MAMLD1: variants seen among roughly 807,000 people sequenced by gnomAD.
The protein encoded by MAMLD1 is mastermind like domain containing 1, also known as mastermind-like domain-containing protein 1.
In MAMLD1, 14 loss-of-function variants were observed where a neutral mutation model predicts 45.0. The ratio of observed to expected loss-of-function variants is 0.31; its 90% CI spans 0.21 to 0.49. MAMLD1 has a LOEUF of 0.49. MAMLD1 is among the 20% of genes least tolerant of loss of function. The pLI is 0.99. For synonymous variants in MAMLD1, 254 were observed against 247.8 expected (o/e 1.02, Z -0.24); for missense variants, 543 against 603.6 (o/e 0.90, Z 1.05).
At chrX:150,490,230 A>G (rs929372092) in intron 5 of MAMLD1, among the ~76,000 whole-genome samples, 37 of 112,267 alleles carry the variant, frequency 3.3e-4, no homozygotes, top group African/African-American at 1.2e-3. Flanking sequence ...GGCAGGCAGT[A>G]GACAGCTACA....
At chrX:150,477,389 TC>T (rs2036611095) in intron 5 of MAMLD1, among the ~76,000 whole-genome samples, 1 of 112,254 alleles carries the variant, frequency 8.9e-6, no homozygotes, top group Non-Finnish European at 1.9e-5. Flanking sequence ...TTAGTCAGCC[TC>T]GGCTCAGCAT....
Position 150,483,170 on chromosome X carries a change from C to T in MAMLD1, c.2040+9368C>T, listed in dbSNP as rs143005995. Among the ~76,000 whole-genome samples the T allele has an allele frequency of 8.8e-3, 990 of 112,354 alleles. 9 individuals carry two copies. The highest frequency in any genetic ancestry group is 0.028 in the African/African-American group (877 of 30,887). On this transcript the variant is annotated intron_variant, in intron 5 of 7. Coordinates refer to ENST00000370401, the MANE Select transcript of MAMLD1 (RefSeq NM_005491.5). ...CTTGACACTGGTACACAAAGTAGGA[C>T]ACCTCTGACCAATGCCAAAATGACT... is the stretch of plus-strand genomic sequence containing the variant.
intron 1 of MAMLD1, among the ~76,000 whole-genome samples, chrX:150,427,943 A>G (rs1431305595): frequency 6.3e-5 from 7 of 111,183 alleles, no homozygotes; most frequent in African/African-American, 2.3e-4. Flanking sequence ...GCAGCAAGGT[A>G]GATCTAGCTC....
At chrX:150,440,871 A>ATAATATT (rs1343351401) in intron 1 of MAMLD1, among the ~76,000 whole-genome samples, 8 of 104,531 alleles carry the variant, frequency 7.7e-5, no homozygotes, top group African/African-American at 2.7e-4. Context: ...TTAATAATTA[A>ATAATATT]TAATATTTAA....
intron 1 of MAMLD1, among the ~76,000 whole-genome samples, chrX:150,386,827 T>C (rs1424490178): frequency 9.0e-6 from 1 of 110,909 alleles, no homozygotes; most frequent in Non-Finnish European, 1.9e-5. Flanking sequence ...TTTTCCAGTA[T>C]AAGGCACTTT....
intron 6 of MAMLD1, chrX:150,503,899 G>T (rs782188612): frequency 6.8e-4 from 119 of 175,527 alleles, no homozygotes; most frequent in African/African-American, 3.5e-3. Context: ...ACCTGAGGGG[G>T]ACAGGGGCTG....
chrX:150,449,169 A>G (rs993775803), intron 2 of MAMLD1, among the ~76,000 whole-genome samples: 1 of 111,242 alleles, frequency 9.0e-6, no homozygotes, highest in Non-Finnish European at 1.9e-5. Context: ...CTTTATGGAT[A>G]AAGAGAATAA....
chrX:150,441,970 C>T (rs1186335655), intron 1 of MAMLD1, among the ~76,000 whole-genome samples: 3 of 110,823 alleles, frequency 2.7e-5, no homozygotes, highest in Non-Finnish European at 3.8e-5. Flanking sequence ...CTGTTTAAAG[C>T]ATACACATTT....
chrX:150,378,826 G>T (rs1336755842), intron 1 of MAMLD1, among the ~76,000 whole-genome samples: 2 of 111,350 alleles, frequency 1.8e-5, no homozygotes, highest in African/African-American at 3.3e-5. Context: ...TTTCTGACAT[G>T]CCCCTAATCA....
intron 1 of MAMLD1, among the ~76,000 whole-genome samples, chrX:150,401,257 G>A (rs1557402424): frequency 9.2e-6 from 1 of 108,185 alleles, no homozygotes; most frequent in East Asian, 2.9e-4. Flanking sequence ...AAAATCACAA[G>A]CATTCTTATA....
At chrX:150,377,186 G>C (rs1557401479) in intron 1 of MAMLD1, among the ~76,000 whole-genome samples, 1 of 113,337 alleles carries the variant, frequency 8.8e-6, no homozygotes, top group Non-Finnish European at 1.9e-5. Flanking sequence ...TGGAGGTGCA[G>C]AGTCAGAGAG....
chrX:150,429,651 A>G (rs1439284531), intron 1 of MAMLD1, among the ~76,000 whole-genome samples: 1 of 111,693 alleles, frequency 9.0e-6, no homozygotes, highest in Admixed American at 9.5e-5. Context: ...AAATTTTTAT[A>G]TATAAATTTT....
At chrX:150,490,327 C>T in intron 5 of MAMLD1, among the ~76,000 whole-genome samples, 1 of 112,438 alleles carries the variant, frequency 8.9e-6, no homozygotes, top group Non-Finnish European at 1.9e-5. Flanking sequence ...TAGACTATTT[C>T]TTTGTTACTT....
At chrX:150,426,106 C>A (rs1200420304) in intron 1 of MAMLD1, among the ~76,000 whole-genome samples, 3 of 111,404 alleles carry the variant, frequency 2.7e-5, no homozygotes, top group Middle Eastern at 9.3e-3. Flanking sequence ...GCCTTATTAA[C>A]CTTGCCCTGC....
At chrX:150,417,536 G>T (rs201751252) in intron 1 of MAMLD1, among the ~76,000 whole-genome samples, 1 of 110,276 alleles carries the variant, frequency 9.1e-6, no homozygotes, top group Non-Finnish European at 1.9e-5. Flanking sequence ...GTAATGGGAT[G>T]GCTGGGTCAA....
chrX:150,508,753 G>A (rs1340167293), intron 6 of MAMLD1, among the ~76,000 whole-genome samples: 1 of 112,546 alleles, frequency 8.9e-6, no homozygotes, highest in Non-Finnish European at 1.9e-5. Context: ...CCGTGTTGTA[G>A]AGGCAAGTCC....
intron 1 of MAMLD1, among the ~76,000 whole-genome samples, chrX:150,443,228 CT>C (rs56969373): frequency 0.16 from 13,471 of 83,732 alleles, 992 homozygotes; most frequent in African/African-American, 0.21. Flanking sequence ...TCTTTGAATA[CT>C]TTTTTTTTTT....
chrX:150,427,854 C>A (rs2034767201), intron 1 of MAMLD1, among the ~76,000 whole-genome samples: 1 of 111,508 alleles, frequency 9.0e-6, no homozygotes, highest in African/African-American at 3.3e-5. Flanking sequence ...AATCAATATC[C>A]ACATACTCCT....
chrX:150,491,742 C>T (rs1473946529), intron 5 of MAMLD1, among the ~76,000 whole-genome samples: 2 of 111,544 alleles, frequency 1.8e-5, no homozygotes, highest in African/African-American at 6.5e-5. Context: ...TGGAGTCTGG[C>T]CCAGTGATAG....
Sources: gnomAD v4.1 joint callset for allele counts (sites outside exome capture counted in the v4.1 genomes callset) on GRCh38, gnomAD v4.1.1 for gene constraint, MANE v1.5 for transcripts, NCBI Gene and HGNC (gene_info 2026-07-23, HGNC 2026-07-21) for gene names.